The following ATE1 variants were observed in gnomAD, a reference collection of about 807,000 sequenced individuals.
ATE1 encodes arginyl-tRNA--protein transferase 1.
Under a neutral mutation model 70.5 loss-of-function variants are expected in ATE1, and 36 were observed. The ratio of observed to expected loss-of-function variants is 0.51; its 90% CI spans 0.39 to 0.67. ATE1 has a LOEUF of 0.67. Ranked by LOEUF, ATE1 falls within the 30% of genes least tolerant of loss-of-function variation. The pLI is 0.00. For synonymous variants in ATE1, 232 were observed against 219.3 expected, an observed-to-expected ratio of 1.06 and a Z score of -0.51; for missense variants, 593 against 629.5, an observed-to-expected ratio of 0.94 and a Z score of 0.62.
chr10:121,838,878 C>G (rs1948527631), intron 9 of ATE1, among the ~76,000 whole-genome samples: 1 of 152,032 alleles, frequency 6.6e-6, no homozygotes, highest in Non-Finnish European at 1.5e-5. Context: ...AAATAAAAAT[C>G]TACAGGCTAC....
chr10:121,804,328 C>T (rs1281879323), intron 10 of ATE1, among the ~76,000 whole-genome samples: 2 of 152,138 alleles, frequency 1.3e-5, no homozygotes, highest in Admixed American at 6.5e-5. Flanking sequence ...TCTACAATGG[C>T]ACCTATCTTG....
At chr10:121,878,277 G>C (rs1190462794) in intron 7 of ATE1, among the ~76,000 whole-genome samples, 1 of 152,160 alleles carries the variant, frequency 6.6e-6, no homozygotes, top group Admixed American at 6.5e-5. Flanking sequence ...AATCCGAGCA[G>C]TGACTATAAG....
At chr10:121,905,134 T>C (rs1261806098) in intron 5 of ATE1, among the ~76,000 whole-genome samples, 1 of 152,162 alleles carries the variant, frequency 6.6e-6, no homozygotes, top group African/African-American at 2.4e-5. Context: ...TTTCCCTGTC[T>C]GTACAAGAAA....
At chr10:121,891,378 C>G (rs368131249) in intron 7 of ATE1, among the ~76,000 whole-genome samples, 1 of 151,912 alleles carries the variant, frequency 6.6e-6, no homozygotes, top group Non-Finnish European at 1.5e-5. Context: ...ACCAGGATGC[C>G]GGCACATGGT....
chr10:121,906,436 G>A (rs979764779), intron 5 of ATE1, among the ~76,000 whole-genome samples: 4 of 152,010 alleles, frequency 2.6e-5, no homozygotes, highest in African/African-American at 9.7e-5. Context: ...GGCTGAGGTG[G>A]GAAAATTGCT....
chr10:121,768,321 A>G (rs942848061), intron 11 of ATE1, among the ~76,000 whole-genome samples: 10 of 152,238 alleles, frequency 6.6e-5, no homozygotes, highest in African/African-American at 2.4e-4. Flanking sequence ...AACAATAAAC[A>G]CATAGGAACT....
rs980875820 is a variant in ATE1 at position 121,742,914 on chromosome 10, T to TA, written c.*765dup. 5 of 152,326 alleles carry TA rather than the reference T, an allele frequency of 3.3e-5. No homozygotes were observed. The highest frequency in any genetic ancestry group is 1.2e-4 in the African/African-American group (5 of 41,574). The allele number at this position is 152,326 out of a possible 1,614,324, so 9.4% of individuals were successfully genotyped here. ...CAAGGCAGGAACCAACATTTTTCTT[T>TA]AAAAAAATTCAATTTCTTACATTTT... On this transcript the variant is annotated 3_prime_UTR_variant, in exon 12 of 12. Coordinates refer to ENST00000224652, the MANE Select transcript of ATE1 (RefSeq NM_001001976.3).
intron 11 of ATE1, among the ~76,000 whole-genome samples, chr10:121,770,910 CA>C (rs779298642): frequency 4.6e-5 from 7 of 150,726 alleles, no homozygotes; most frequent in Admixed American, 1.3e-4. Flanking sequence ...TAAAAGCTTG[CA>C]AAAAAAAATT....
chr10:121,760,854 CTTATT>C (rs746291791), intron 11 of ATE1, among the ~76,000 whole-genome samples: 3 of 152,146 alleles, frequency 2.0e-5, no homozygotes, highest in Non-Finnish European at 4.4e-5. Context: ...TCTTTGTTGT[CTTATT>C]TTAAGAAATT....
At chr10:121,778,558 G>A (rs1005132487) in intron 11 of ATE1, among the ~76,000 whole-genome samples, 1 of 142,598 alleles carries the variant, frequency 7.0e-6, no homozygotes, top group Admixed American at 7.5e-5. Context: ...CTCCAGATGT[G>A]GCCAGCTTTT....
chr10:121,846,475 G>C (rs1025172030), intron 8 of ATE1: 3 of 152,156 alleles, frequency 2.0e-5, no homozygotes, highest in Non-Finnish European at 4.4e-5. Flanking sequence ...TGTATGAAAG[G>C]AGGAAAATGG....
intron 11 of ATE1, among the ~76,000 whole-genome samples, chr10:121,785,175 T>C (rs1874663): frequency 0.95 from 144,506 of 152,196 alleles, 68,799 homozygotes; most frequent in Non-Finnish European, 0.98. Flanking sequence ...GTGGGTAGTT[T>C]GACCTCAAAT....
chr10:121,801,040 G>T (rs919502280), intron 10 of ATE1, among the ~76,000 whole-genome samples: 1 of 152,178 alleles, frequency 6.6e-6, no homozygotes, highest in Non-Finnish European at 1.5e-5. Context: ...CAAAAACTGT[G>T]TTTGGATTGT....
At chr10:121,895,865 C>T (rs58594181) in intron 7 of ATE1, among the ~76,000 whole-genome samples, 2,095 of 151,928 alleles carry the variant, frequency 0.014, 44 homozygotes, top group African/African-American at 0.048. Flanking sequence ...CTGCAGTAAG[C>T]CAATATGGCA....
chr10:121,841,689 T>C (rs1948634806), intron 8 of ATE1, among the ~76,000 whole-genome samples: 2 of 152,264 alleles, frequency 1.3e-5, no homozygotes, highest in South Asian at 4.1e-4. Context: ...CACTGTATCT[T>C]CTCACTTATA....
At chr10:121,903,483 T>A (rs906519702) in intron 5 of ATE1, among the ~76,000 whole-genome samples, 2 of 152,070 alleles carry the variant, frequency 1.3e-5, no homozygotes, top group Non-Finnish European at 2.9e-5. Context: ...GGTTGAGAGT[T>A]CGAGACCAGC....
intron 11 of ATE1, among the ~76,000 whole-genome samples, chr10:121,764,304 C>T (rs1055610736): frequency 4.6e-5 from 7 of 151,846 alleles, no homozygotes; most frequent in African/African-American, 7.3e-5. Flanking sequence ...ACACCTTTGC[C>T]GTTTTTCTAT....
chr10:121,796,302 A>T (rs988555025), intron 10 of ATE1, among the ~76,000 whole-genome samples: 2 of 152,192 alleles, frequency 1.3e-5, no homozygotes, highest in African/African-American at 2.4e-5. Flanking sequence ...AATAACGTTT[A>T]AAAATACTAA....
At chr10:121,889,335 T>C (rs1355359254) in intron 7 of ATE1, among the ~76,000 whole-genome samples, 1 of 151,430 alleles carries the variant, frequency 6.6e-6, no homozygotes, top group Non-Finnish European at 1.5e-5. Context: ...AAAACCGAAC[T>C]GTGATACGGA....
Sources: gnomAD v4.1 joint callset for allele counts (sites outside exome capture counted in the v4.1 genomes callset) on GRCh38, gnomAD v4.1.1 for gene constraint, MANE v1.5 for transcripts, NCBI Gene and HGNC (gene_info 2026-07-23, HGNC 2026-07-21) for gene names.